Variants in WDR62 observed in about 807,000 individuals in gnomAD.
The protein encoded by WDR62 is WD repeat domain 62, also known as WD repeat-containing protein 62.
In WDR62, 112 loss-of-function variants were observed where a neutral mutation model predicts 160.6. That is an observed-to-expected ratio of 0.70 (90% CI 0.60 to 0.82). WDR62 has a LOEUF of 0.82. Among genes scored for constraint, WDR62 ranks in the 40% least tolerant of loss-of-function variants. The pLI is 0.00. For synonymous variants in WDR62, 792 were observed against 815.1 expected, an observed-to-expected ratio of 0.97 and a Z score of 0.48; for missense variants, 1,819 against 1,983.8, an observed-to-expected ratio of 0.92 and a Z score of 1.58.
intron 20 of WDR62, among the ~76,000 whole-genome samples, chr19:36,096,424 G>A (rs1351274951): frequency 2.0e-5 from 3 of 152,036 alleles, no homozygotes; most frequent in Non-Finnish European, 2.9e-5. Context: ...AGAGAACCCC[G>A]GCTGGGCGCA....
chr19:36,090,503 G>A lies in WDR62; in HGVS notation c.2017G>A (p.Glu673Lys), dbSNP rs758947252. The A allele has an allele frequency of 5.6e-6, 9 of 1,614,098 alleles. No individual in the cohort carries two copies. The highest frequency in any genetic ancestry group is 6.8e-6 in the Non-Finnish European group (8 of 1,179,994). Residue 673 changes from glutamate (E) to lysine (K), a missense_variant, in exon 16 of 32, where the codon GAA becomes AAA. Around this residue, in one of 3 missense-constraint regions of WDR62, gnomAD observed 934 missense variants for 1,157.2 expected, o/e 0.81. Coordinates refer to ENST00000401500, the MANE Select transcript of WDR62 (RefSeq NM_001083961.2). ...KKCYKGSQGDEGSLLKVHVDP... is the reference protein window; with the variant it reads ...KKCYKGSQGDKGSLLKVHVDP... ...GTGCTACAAGGGCTCCCAGGGTGACGAAGGGTCCTTGCTGAAGGTGAGGAG... is the reference window on the plus strand; with the variant it reads ...GTGCTACAAGGGCTCCCAGGGTGACAAAGGGTCCTTGCTGAAGGTGAGGAG...
intron 3 of WDR62, among the ~76,000 whole-genome samples, chr19:36,064,290 T>C (rs962602657): frequency 1.3e-5 from 2 of 152,106 alleles, no homozygotes; most frequent in African/African-American, 4.8e-5. Flanking sequence ...CTGTCTCTCT[T>C]TTTGAGACAG....
intron 24 of WDR62, 99 bp downstream of exon 24, chr19:36,101,416 G>A: frequency 8.9e-7 from 1 of 1,121,898 alleles, no homozygotes; most frequent in South Asian, 1.3e-5. Context: ...CTGAAGCTCA[G>A]AGTCTGTCGA....
Position 36,086,829 on chromosome 19 carries a change from C to T in WDR62, c.1768+17C>T, listed in dbSNP as rs149269223. 196 of 1,607,230 alleles carry T rather than the reference C, an allele frequency of 1.2e-4. No individual in the cohort carries two copies. In the African/African-American group the frequency reaches 2.4e-3, roughly 20 times the overall value. On this transcript the variant is annotated intron_variant, in intron 13 of 31. Coordinates refer to ENST00000401500, the MANE Select transcript of WDR62 (RefSeq NM_001083961.2). ...AGTTCGCTGGTGAGCCCCTTTCTTC[C>T]CGCTCCCTGCGCCTTGCTAGCTACC... is the stretch of plus-strand genomic sequence containing the variant.
Position 36,083,118 on chromosome 19 carries a change from C to T in WDR62, c.1427C>T (p.Ser476Leu), listed in dbSNP as rs1194551869. 4.3e-6 allele frequency: 7 copies of T among 1,613,606 alleles called. No homozygotes were observed. Among genetic ancestry groups the T allele is most frequent in the Non-Finnish European group, 5.1e-6 (6 of 1,179,826 alleles). Residue 476 changes from serine to leucine, a missense_variant, in exon 11 of 32, where the codon TCA (serine) becomes TTA (leucine). Ser to Leu is a moderately radical substitution (Grantham distance 145). Transcript: ENST00000401500. ...GACATCCAGCACCTGCAGGACATGT[C>T]ACACTTCCCAGACCGGGGGAGCGAG... ...ENDIQHLQDM[S>L]HFPDRGSENG...
chr19:36,088,249 C>T (rs1422370562), intron 13 of WDR62, among the ~76,000 whole-genome samples: 1 of 151,932 alleles, frequency 6.6e-6, no homozygotes, highest in Non-Finnish European at 1.5e-5. Context: ...ATGAGACGGC[C>T]GGGGGCATCT....
chr19:36,103,058 C>G lies in WDR62; in HGVS notation c.3446C>G (p.Ser1149Cys). 1.2e-6 allele frequency: 2 copies of G among 1,614,094 alleles called. No individual in the cohort carries two copies. The highest frequency in any genetic ancestry group is 3.3e-4 in the Middle Eastern group (2 of 6,062). Residue 1149 changes from serine (S) to cysteine (C), a missense_variant, in exon 28 of 32, where the codon TCC becomes TGC. This residue lies in a region of WDR62 where 770 missense variants were observed against 734.2 expected (regional missense o/e 1.05). Coordinates refer to ENST00000401500, the MANE Select transcript of WDR62 (RefSeq NM_001083961.2). ...SQPRAGTGYA[S>C]PDRTHVLAAG... ...CCCAGAGCAGGTACTGGCTACGCCT[C>G]CCCAGACAGGACCCACGTGAGTATT...
Position 36,067,459 on chromosome 19 carries a change from T to C in WDR62, c.699+16T>C, listed in dbSNP as rs201300686. 756 of 1,614,088 alleles carry C rather than the reference T, an allele frequency of 4.7e-4. 11 individuals are homozygous for C. The South Asian group carries it at 7.7e-3, about 16-fold the overall frequency. On this transcript the variant is annotated intron_variant, in intron 6 of 31. Transcript: ENST00000401500. Reference sequence around the variant, plus strand: ...TGAGACAAAGGTGAGTTTCTGTCCCTGCCCCTTTAGCCAGGCCCTGAGGGA... The same window carrying C: ...TGAGACAAAGGTGAGTTTCTGTCCCCGCCCCTTTAGCCAGGCCCTGAGGGA...
At chr19:36,091,979 C>T (rs1215833158) in intron 18 of WDR62, among the ~76,000 whole-genome samples, 3 of 151,874 alleles carry the variant, frequency 2.0e-5, no homozygotes, top group Non-Finnish European at 4.4e-5. Context: ...CAGTTTGCTC[C>T]CCTGTAAAAG....
At chr19:36,084,541 C>G (rs970970084) in intron 11 of WDR62, 112 bp from the exon 12 acceptor site, 1 of 959,442 alleles carries the variant, frequency 1.0e-6, no homozygotes, top group Non-Finnish European at 1.7e-6. Context: ...AGTATTTGGC[C>G]ATGATAAGGG....
At chr19:36,087,668 A>G (rs1450886616) in intron 13 of WDR62, among the ~76,000 whole-genome samples, 1 of 150,868 alleles carries the variant, frequency 6.6e-6, no homozygotes, top group Non-Finnish European at 1.5e-5. Context: ...AATTCAAAAA[A>G]AGTAACCGGG....
At chr19:36,074,394 T>C (rs1971467571) in intron 9 of WDR62, 1 of 152,748 alleles carries the variant, frequency 6.5e-6, no homozygotes, top group Non-Finnish European at 1.5e-5. Context: ...GCACAGTGGC[T>C]CATGCCTGTA....
intron 2 of WDR62, among the ~76,000 whole-genome samples, chr19:36,059,584 C>T (rs1420612958): frequency 2.6e-5 from 4 of 152,154 alleles, no homozygotes; most frequent in Non-Finnish European, 4.4e-5. Context: ...GGACTACAGG[C>T]ACATGCCACC....
chr19:36,071,526 A>C, intron 7 of WDR62, 30 bp from the exon 8 acceptor site: 2 of 1,614,192 alleles, frequency 1.2e-6, no homozygotes, highest in South Asian at 1.1e-5. Flanking sequence ...TGAAGCACCA[A>C]ATCCACTGGG....
At chr19:36,095,516 G>A (rs1006908351) in intron 20 of WDR62, among the ~76,000 whole-genome samples, 2 of 152,228 alleles carry the variant, frequency 1.3e-5, no homozygotes, top group Non-Finnish European at 2.9e-5. Flanking sequence ...GTTTGAGGCC[G>A]GGTGTGGTAG....
intron 21 of WDR62, among the ~76,000 whole-genome samples, chr19:36,098,490 A>C (rs572580746): frequency 6.6e-6 from 1 of 151,648 alleles, no homozygotes; most frequent in African/African-American, 2.4e-5. Context: ...ACTTGAACCC[A>C]GGAGGCAGAG....
At chr19:36,085,322 G>A (rs1972145520) in intron 12 of WDR62, among the ~76,000 whole-genome samples, 1 of 151,438 alleles carries the variant, frequency 6.6e-6, no homozygotes, top group Middle Eastern at 3.4e-3. Flanking sequence ...CACCATGTTG[G>A]CCAGGTTGGT....
Position 36,067,883 on chromosome 19 carries a change from A to G in WDR62, c.755A>G (p.Asn252Ser), listed in dbSNP as rs1397771846. 14 of 1,614,088 alleles carry G rather than the reference A, an allele frequency of 8.7e-6. No individual in the cohort carries two copies. The highest frequency in any genetic ancestry group is 1.1e-5 in the Non-Finnish European group (13 of 1,180,048). ...GRSGILGELHNNIFCGVACGR... is the reference protein window; with the variant it reads ...GRSGILGELHSNIFCGVACGR... ...TCGGGCATCCTGGGCGAGCTGCACA[A>G]CAACATCTTCTGTGGTGTGGCCTGC... is the stretch of plus-strand genomic sequence containing the variant. Residue 252 changes from asparagine (N) to serine (S), a missense_variant, in exon 7 of 32, where the codon AAC (asparagine) becomes AGC (serine). Around this residue, in one of 3 missense-constraint regions of WDR62, gnomAD observed 934 missense variants for 1,157.2 expected, o/e 0.81. Transcript: ENST00000401500.
intron 3 of WDR62, 195 bp downstream of exon 3, chr19:36,060,225 CT>C (rs1189025242): frequency 1.6e-6 from 1 of 638,996 alleles, no homozygotes; most frequent in East Asian, 2.7e-5. Flanking sequence ...ACGAGAATCT[CT>C]GCTGGCTAGA....
Sources: gnomAD v4.1 joint callset for allele counts (sites outside exome capture counted in the v4.1 genomes callset) on GRCh38, gnomAD v4.1.1 for gene constraint, gnomAD v4.1.1 regional missense constraint, MANE v1.5 for transcripts, NCBI Gene and HGNC (gene_info 2026-07-23, HGNC 2026-07-21) for gene names.